The following CAND2 variants were observed in gnomAD, a reference collection of about 807,000 sequenced individuals.
CAND2 encodes the protein cullin associated and neddylation dissociated 2 (putative).
A neutral mutation model predicts 98.9 loss-of-function variants in CAND2; 62 were observed. The observed-to-expected ratio is 0.63, with a 90% confidence interval of 0.51 to 0.77. CAND2 has a LOEUF of 0.77. Ranked by LOEUF, CAND2 falls within the 30% of genes least tolerant of loss-of-function variation. The pLI is 0.00. For missense variants in CAND2, 1,501 were observed against 1,655.2 expected (o/e 0.91, Z 1.62); for synonymous variants, 770 against 731.9 (o/e 1.05, Z -0.84).
Position 12,807,500 on chromosome 3 carries a change from C to A in CAND2, c.367+40C>A, listed in dbSNP as rs571577279. The A allele has an allele frequency of 2.2e-5, 33 of 1,511,766 alleles. No individual in the cohort carries two copies. In the East Asian group the frequency reaches 6.7e-4, roughly 31 times the overall value. The allele number at this position is 1,511,766 out of a possible 1,614,324, so 93.6% of individuals were successfully genotyped here. A position where few individuals can be genotyped will look rare whatever the true frequency, so the allele number is the denominator to read the frequency against. On this transcript the variant is annotated intron_variant, in intron 3 of 14. Coordinates refer to ENST00000456430, the MANE Select transcript of CAND2 (RefSeq NM_001162499.2). Reference sequence around the variant, plus strand: ...AGGACTAGGTACTGTTAGTATTTGTCCTAGTTTATGGTAAAAAAACAAACG... The same window carrying A: ...AGGACTAGGTACTGTTAGTATTTGTACTAGTTTATGGTAAAAAAACAAACG...
chr3:12,825,023 G>A (rs1397021047), intron 11 of CAND2, among the ~76,000 whole-genome samples: 1 of 152,158 alleles, frequency 6.6e-6, no homozygotes, highest in Non-Finnish European at 1.5e-5. Context: ...AGCCTCACCT[G>A]TAATAACAAG....
In CAND2 at chr3:12,816,417, C is replaced by A. The variant is rs200628307; in HGVS notation, c.1485C>A (p.Ile495=). ...CCGACCGCTCCAGCTCCTCCACCAT[C>A]CGGATGGATGCCCTGGCCTTCTTGC... ...SLADRSSSST[I]RMDALAFLQG... The change falls in exon 10 of 15, where the codon ATC becomes ATA. Residue 495 remains isoleucine, a synonymous_variant. Transcript: ENST00000456430. 6.2e-7 allele frequency: 1 copy of A among 1,613,774 alleles called. No individual in the cohort carries two copies. Among genetic ancestry groups the A allele is most frequent in the Non-Finnish European group, 8.5e-7 (1 of 1,179,962 alleles).
chr3:12,825,496 C>T lies in CAND2; in HGVS notation c.3067C>T (p.Pro1023Ser). Residue 1023 changes from proline (P) to serine (S), a missense_variant, in exon 12 of 15, where the codon CCA becomes TCA. Physicochemically the swap from Pro to Ser is moderately conservative, Grantham distance 74. Around this residue, in one of 3 missense-constraint regions of CAND2, gnomAD observed 1,427 missense variants for 1,545.3 expected, o/e 0.92. Transcript: ENST00000456430. ...IGEFMESLQD[P>S]DLNVRRATLA... ...AGAGTTCATGGAGAGCCTGCAGGACCCAGACCTGAACGTGCGCCGTGCGAC... is the reference window on the plus strand; with the variant it reads ...AGAGTTCATGGAGAGCCTGCAGGACTCAGACCTGAACGTGCGCCGTGCGAC... The T allele has an allele frequency of 6.4e-7, 1 of 1,563,832 alleles. No homozygotes were observed. The highest frequency in any genetic ancestry group is 8.7e-7 in the Non-Finnish European group (1 of 1,153,200).
chr3:12,815,174 T>C lies in CAND2; in HGVS notation c.1040T>C (p.Met347Thr). The C allele has an allele frequency of 3.1e-6, 5 of 1,612,388 alleles. No homozygotes were observed. Among genetic ancestry groups the C allele is most frequent in the Non-Finnish European group, 4.2e-6 (5 of 1,178,800 alleles). ...GACGAGTACAGCGATGACGATGACA[T>C]GAGCTGGAAGGTGCGCCGGGCAGCT... ...SEDEYSDDDD[M>T]SWKVRRAAAK... The change falls in exon 8 of 15, where the codon ATG becomes ACG. Residue 347 changes from methionine to threonine, a missense_variant. Coordinates refer to ENST00000456430, the MANE Select transcript of CAND2 (RefSeq NM_001162499.2). The surrounding 1 kb of genome is among the most constrained non-coding windows in gnomAD (Gnocchi z 5.7).
At position 12,817,045 on chromosome 3, in the gene CAND2, G is replaced by A. The variant is rs747135974; in HGVS notation, c.2113G>A (p.Glu705Lys). ...GGCTGAGCTGCCTGCCCTGGTCAAC[G>A]AGAGCGACATGCATGTGGCCCAGCT... Reference protein sequence around the residue: ...VLAELPALVNESDMHVAQLAV... With the variant: ...VLAELPALVNKSDMHVAQLAV... Residue 705 changes from glutamate (E) to lysine (K), a missense_variant, in exon 10 of 15, where the codon GAG (glutamate) becomes AAG (lysine). Glu to Lys is a moderately conservative substitution (Grantham distance 56). Around this residue, in one of 3 missense-constraint regions of CAND2, gnomAD observed 1,427 missense variants for 1,545.3 expected, o/e 0.92. Coordinates refer to ENST00000456430, the MANE Select transcript of CAND2 (RefSeq NM_001162499.2). The A allele has an allele frequency of 6.2e-6, 10 of 1,612,984 alleles. No individual in the cohort carries two copies. The South Asian group carries it at 8.8e-5, about 14-fold the overall frequency.
chr3:12,798,438 G>C (rs2061742436), intron 1 of CAND2, among the ~76,000 whole-genome samples: 1 of 152,148 alleles, frequency 6.6e-6, no homozygotes, highest in African/African-American at 2.4e-5. Flanking sequence ...CTTCCTCTTA[G>C]TGCCCCAACA....
At chr3:12,823,444 G>A (rs966781085) in intron 11 of CAND2, among the ~76,000 whole-genome samples, 2 of 151,652 alleles carry the variant, frequency 1.3e-5, no homozygotes, top group African/African-American at 4.8e-5. Flanking sequence ...TTAGCCAGGT[G>A]TAGGCTGGGC....
intron 10 of CAND2, 97 bp downstream of exon 10, chr3:12,817,973 C>A: frequency 8.9e-7 from 1 of 1,125,082 alleles, no homozygotes; most frequent in Non-Finnish European, 1.2e-6. Context: ...TATTTCAAGT[C>A]ACTGGATACA....
intron 14 of CAND2, 92 bp downstream of exon 14, chr3:12,831,664 A>G (rs2062054988): frequency 1.4e-6 from 1 of 719,598 alleles, no homozygotes; most frequent in Non-Finnish European, 2.3e-6. Context: ...CACTTCCTGC[A>G]GTGCAGGTGA....
At chr3:12,813,745 C>T (rs1237538145) in intron 7 of CAND2, among the ~76,000 whole-genome samples, 1 of 152,222 alleles carries the variant, frequency 6.6e-6, no homozygotes, top group Non-Finnish European at 1.5e-5. Context: ...CCCACCTCTG[C>T]ACTGCCACCG....
In CAND2 at chr3:12,833,796, T is replaced by G. The variant is rs2062075025; in HGVS notation, c.3525T>G (p.Asp1175Glu). The G allele has an allele frequency of 2.5e-6, 4 of 1,614,038 alleles. No individual in the cohort carries two copies. Among genetic ancestry groups the G allele is most frequent in the African/African-American group, 2.7e-5 (2 of 74,912 alleles). ...GSVKQEFEKQ[D>E]ELKRSAMRAV... ...TGAAGCAGGAGTTTGAAAAGCAAGA[T>G]GAACTGAAGCGCTCTGCAATGAGGG... The change falls in exon 15 of 15, where the codon GAT becomes GAG. Residue 1175 changes from aspartate (D) to glutamate (E), a missense_variant. This residue lies in a region of CAND2 where 1,427 missense variants were observed against 1,545.3 expected (regional missense o/e 0.92). Coordinates refer to ENST00000456430, the MANE Select transcript of CAND2 (RefSeq NM_001162499.2).
chr3:12,832,890 C>T (rs1010314935), intron 14 of CAND2, among the ~76,000 whole-genome samples: 1 of 152,206 alleles, frequency 6.6e-6, no homozygotes, highest in Non-Finnish European at 1.5e-5. Context: ...TATTACCTTT[C>T]TAAAACCCAA....
chr3:12,833,898 C>G lies in CAND2; in HGVS notation c.3627C>G (p.Ser1209=), dbSNP rs375759562. The G allele has an allele frequency of 4.0e-5, 65 of 1,614,116 alleles. No individual in the cohort carries two copies. Among genetic ancestry groups the G allele is most frequent in the Non-Finnish European group, 5.2e-5 (61 of 1,180,046 alleles). Residue 1209 remains serine (S), a synonymous_variant, in exon 15 of 15, where the codon TCC becomes TCG. Transcript: ENST00000456430. ...CCGACTTCTCTTCCCAAATCAGATC[C>G]AACCCTGAACTTGCTGCCCTCTTTG... ...IMADFSSQIR[S]NPELAALFES... is the part of the protein sequence containing the mutation.
chr3:12,823,387 T>C (rs1298172874), intron 11 of CAND2, among the ~76,000 whole-genome samples: 1 of 151,304 alleles, frequency 6.6e-6, no homozygotes, highest in Admixed American at 6.6e-5. Flanking sequence ...GGTCAGGAGT[T>C]CCAGACCAGC....
At position 12,817,696 on chromosome 3, in the gene CAND2, C is replaced by T. The variant is rs1268797446; in HGVS notation, c.2764C>T (p.Leu922=). The T allele has an allele frequency of 6.3e-7, 1 of 1,599,786 alleles. No homozygotes were observed. Among genetic ancestry groups the T allele is most frequent in the Non-Finnish European group, 8.5e-7 (1 of 1,172,572 alleles). Residue 922 remains leucine, a synonymous_variant, in exon 10 of 15, where the codon CTG becomes TTG. Coordinates refer to ENST00000456430, the MANE Select transcript of CAND2 (RefSeq NM_001162499.2). ...YLLLHSLREA[L]GAAQPDSLKP... ...GCTGCTGCACTCACTCAGGGAGGCC[C>T]TGGGGGCCGCCCAGCCTGACAGCCT...
chr3:12,830,647 C>T (rs79510614), intron 13 of CAND2, among the ~76,000 whole-genome samples: 3,345 of 152,332 alleles, frequency 0.022, 51 homozygotes, highest in Non-Finnish European at 0.03. Context: ...GTGGGTGTTA[C>T]AGCTATAGAG....
At chr3:12,828,117 G>A (rs889275843) in intron 13 of CAND2, among the ~76,000 whole-genome samples, 1 of 152,140 alleles carries the variant, frequency 6.6e-6, no homozygotes, top group Non-Finnish European at 1.5e-5. Context: ...CCCCAATGTT[G>A]AGTGGCAAGA....
intron 5 of CAND2, 125 bp from the exon 6 acceptor site, chr3:12,812,865 T>A: frequency 3.1e-6 from 2 of 646,282 alleles, no homozygotes; most frequent in South Asian, 1.9e-5. Flanking sequence ...TGCTTGACTA[T>A]GAAACCTCTG....
At position 12,816,709 on chromosome 3, in the gene CAND2, T is replaced by A. The variant is rs923697036; in HGVS notation, c.1777T>A (p.Ser593Thr). 8.1e-6 allele frequency: 13 copies of A among 1,613,666 alleles called. No individual in the cohort carries two copies. The highest frequency in any genetic ancestry group is 1.1e-5 in the Non-Finnish European group (13 of 1,180,024). The change falls in exon 10 of 15, where the codon TCC becomes ACC. Residue 593 changes from serine to threonine, a missense_variant. Ser to Thr is a moderately conservative substitution (Grantham distance 58, BLOSUM62 1). This residue lies in a region of CAND2 where 1,427 missense variants were observed against 1,545.3 expected (regional missense o/e 0.92). Transcript: ENST00000456430. The stretch of plus-strand genomic sequence containing the variant: ...CCAGGAGGTGAAGGAGCGGGCCATT[T>A]CCTGCATGGGCCACCTTGTAGGCCA... ...LDQEVKERAI[S>T]CMGHLVGHLG...
Sources: allele counts gnomAD v4.1 joint callset (sites outside exome capture counted in the v4.1 genomes callset), GRCh38; gene constraint gnomAD v4.1.1; regional missense constraint gnomAD v4.1.1; non-coding constraint Gnocchi (gnomAD v3.1); transcripts MANE v1.5; gene names NCBI Gene and HGNC (gene_info 2026-07-23, HGNC 2026-07-21).